The following CD58 variants were observed in gnomAD, a reference collection of about 807,000 sequenced individuals.
CD58 encodes CD58 molecule, also known as lymphocyte function-associated antigen 3.
CD58 carries 14 observed loss-of-function variants against 27.6 expected under a neutral mutation model. The ratio of observed to expected loss-of-function variants is 0.51; its 90% confidence interval spans 0.34 to 0.79. The LOEUF (loss-of-function observed/expected upper bound fraction) is 0.79, where lower values mean the gene tolerates loss of function less well. CD58 is among the 30% of genes least tolerant of loss of function. The pLI, the probability that CD58 is intolerant of heterozygous loss-of-function variation, is 0.02. For synonymous variants in CD58, 117 were observed against 103.8 expected (o/e 1.13, Z -0.77); for missense variants, 268 against 301.7 (o/e 0.89, Z 0.83).
At chr1:116,565,932 T>G (rs11810199) in intron 1 of CD58, among the ~76,000 whole-genome samples, 10,493 of 152,156 alleles carry the variant, frequency 0.069, 386 homozygotes, top group African/African-American at 0.076. Context: ...TTAGCCAGGA[T>G]GGTCTCAATC....
Position 116,533,975 on chromosome 1 carries a change from C to T in CD58, c.628+1990G>A, listed in dbSNP as rs1657706132. 6 of 1,426,128 alleles carry T rather than the reference C, an allele frequency of 4.2e-6. No homozygotes were observed. The South Asian group carries it at 6.9e-5, about 17-fold the overall frequency. 88.3% of individuals were successfully genotyped at this position (1,426,128 alleles called of 1,614,324 possible). A position where few individuals can be genotyped will look rare whatever the true frequency, so the allele number is the denominator to read the frequency against. On this transcript the variant is annotated intron_variant, in intron 3 of 5. Transcript: ENST00000369489. ...GCATTGTCAAGTCGCTCCTGTAAAG[C>T]TGCCAAAACTCCAGGATTCTGCATC... is the stretch of plus-strand genomic sequence containing the variant.
intron 3 of CD58, among the ~76,000 whole-genome samples, chr1:116,530,048 A>C (rs1440774715): frequency 6.6e-6 from 1 of 152,216 alleles, no homozygotes; most frequent in Non-Finnish European, 1.5e-5. Flanking sequence ...GAATAAATCA[A>C]AGAAAACTTT....
rs995237123 is a variant in CD58 at position 116,546,795 on chromosome 1, T to G, written c.71-2191A>C. Among the ~76,000 whole-genome samples the G allele has an allele frequency of 6.6e-6, 1 of 152,112 alleles. No homozygotes were observed. Among genetic ancestry groups the G allele is most frequent in the South Asian group, 2.1e-4 (1 of 4,822 alleles). On this transcript the variant is annotated intron_variant, in intron 1 of 5. Transcript: ENST00000369489. The surrounding 1 kb of genome is among the most constrained non-coding windows in gnomAD (Gnocchi z 4.1). Reference sequence around the variant, plus strand: ...CAGCTCAGAAGAAATCAAAGTACAGTTGACCCTTGAACAACATGGGTTTGA... The same window carrying G: ...CAGCTCAGAAGAAATCAAAGTACAGGTGACCCTTGAACAACATGGGTTTGA...
At chr1:116,567,637 C>CA (rs1443583924) in intron 1 of CD58, among the ~76,000 whole-genome samples, 4 of 151,878 alleles carry the variant, frequency 2.6e-5, no homozygotes, top group Non-Finnish European at 5.9e-5. Context: ...GACCCTGTCT[C>CA]AAAAAATAAA....
Position 116,538,333 on chromosome 1 carries a change from TC to T in CD58, c.365-2106del, listed in dbSNP as rs981173629. Among the ~76,000 whole-genome samples, 44 of 152,298 alleles carry T rather than the reference TC, an allele frequency of 2.9e-4. No homozygotes were observed. Among genetic ancestry groups the T allele is most frequent in the African/African-American group, 1.0e-3 (43 of 41,542 alleles). On this transcript the variant is annotated intron_variant, in intron 2 of 5. Coordinates refer to ENST00000369489, the MANE Select transcript of CD58 (RefSeq NM_001779.3). This position sits in a 1 kb window ranked among gnomAD's most constrained non-coding sequence, Gnocchi z 4.7. ...GCCCTGCTCTCCTAACTTCCTCTGG[TC>T]CCTTTTGCCCACCCCACCCCATAGC...
rs943927600 is a variant in CD58 at position 116,516,022 on chromosome 1, C to T, written c.744-1200G>A. Among the ~76,000 whole-genome samples the T allele has an allele frequency of 6.6e-6, 1 of 152,166 alleles. No individual in the cohort carries two copies. The highest frequency in any genetic ancestry group is 1.5e-5 in the Non-Finnish European group (1 of 68,044). ...CTCCCCCGATCTCCTCCATCTCCAC[C>T]ATATACAGAACCTTTTAACATTTTA... On this transcript the variant is annotated intron_variant, in intron 5 of 5. Coordinates refer to ENST00000369489, the MANE Select transcript of CD58 (RefSeq NM_001779.3). The surrounding 1 kb of genome is among the most constrained non-coding windows in gnomAD (Gnocchi z 6.1).
In CD58 at chr1:116,551,726, T is replaced by TTTTC. The variant is rs927772305; in HGVS notation, c.71-7126_71-7123dup. On this transcript the variant is annotated intron_variant, in intron 1 of 5. Transcript: ENST00000369489. ...TTTTCAGCCCATCGTGGCTTTTTTT[T>TTTTC]TTTCTTTCTTTCTTTTTTTTTTTTT... Among the ~76,000 whole-genome samples, 731 of 151,034 alleles carry TTTTC rather than the reference T, an allele frequency of 4.8e-3. 3 individuals are homozygous for TTTTC. The highest frequency in any genetic ancestry group is 0.017 in the African/African-American group (699 of 40,758).
chr1:116,564,867 C>T (rs548416140), intron 1 of CD58, among the ~76,000 whole-genome samples: 2 of 152,288 alleles, frequency 1.3e-5, no homozygotes, highest in South Asian at 4.1e-4. Context: ...ATCTGCCCAC[C>T]TCAGCCTCTC....
intron 1 of CD58, among the ~76,000 whole-genome samples, chr1:116,547,746 G>A (rs1417842253): frequency 6.6e-6 from 1 of 152,034 alleles, no homozygotes; most frequent in African/African-American, 2.4e-5. Flanking sequence ...TGCGAGTTGT[G>A]CCACTATAAA....
At chr1:116,542,901 C>T (rs1658037598) in intron 2 of CD58, among the ~76,000 whole-genome samples, 1 of 152,132 alleles carries the variant, frequency 6.6e-6, no homozygotes, top group Non-Finnish European at 1.5e-5. Context: ...AAATAAGAAG[C>T]AAAGCCTTCA....
rs1180961250 is a variant in CD58, at chr1:116,546,656, C to CA, written c.71-2053_71-2052insT. Among the ~76,000 whole-genome samples the CA allele has an allele frequency of 1.3e-5, 2 of 152,172 alleles. No individual in the cohort carries two copies. Among genetic ancestry groups the CA allele is most frequent in the Non-Finnish European group, 2.9e-5 (2 of 68,038 alleles). On this transcript the variant is annotated intron_variant, in intron 1 of 5. Transcript: ENST00000369489. The surrounding 1 kb of genome is among the most constrained non-coding windows in gnomAD (Gnocchi z 4.1). Reference sequence around the variant, plus strand: ...CCATACCCTGGCGGCATGAAGATGTCTTTTGTCTTTCCCAGGGAGAGCTGA... The same window carrying CA: ...CCATACCCTGGCGGCATGAAGATGTCATTTTGTCTTTCCCAGGGAGAGCTGA...
At chr1:116,533,792 G>T in intron 3 of CD58, 1 of 737,152 alleles carries the variant, frequency 1.4e-6, no homozygotes, top group Admixed American at 1.8e-5. Context: ...TCAAAGAGAG[G>T]CTGGTATAAT....
At chr1:116,565,023 A>G (rs913625731) in intron 1 of CD58, among the ~76,000 whole-genome samples, 4 of 152,156 alleles carry the variant, frequency 2.6e-5, no homozygotes, top group Non-Finnish European at 5.9e-5. Flanking sequence ...CTCCACCTTC[A>G]AAACACATCC....
chr1:116,563,138 C>G lies in CD58; in HGVS notation c.70+7765G>C, dbSNP rs1238342248. Among the ~76,000 whole-genome samples, 2 of 152,172 alleles carry G rather than the reference C, an allele frequency of 1.3e-5. No homozygotes were observed. Among genetic ancestry groups the G allele is most frequent in the African/African-American group, 2.4e-5 (1 of 41,426 alleles). On this transcript the variant is annotated intron_variant, in intron 1 of 5. Transcript: ENST00000369489. This position sits in a 1 kb window ranked among gnomAD's most constrained non-coding sequence, Gnocchi z 4.1. The stretch of plus-strand genomic sequence containing the variant: ...GTCCAAAACAAAAGGGCTACAGGCC[C>G]CATGCAAGTCCTAAATCCAATAGGG...
chr1:116,531,688 T>C lies in CD58; in HGVS notation c.628+4277A>G, dbSNP rs1461992828. 6.6e-6 allele frequency among the ~76,000 whole-genome samples: 1 copy of C among 152,252 alleles called. No homozygotes were observed. The highest frequency in any genetic ancestry group is 1.5e-5 in the Non-Finnish European group (1 of 68,044). On this transcript the variant is annotated intron_variant, in intron 3 of 5. Coordinates refer to ENST00000369489, the MANE Select transcript of CD58 (RefSeq NM_001779.3). The surrounding 1 kb of genome is among the most constrained non-coding windows in gnomAD (Gnocchi z 4.5). ...GTGACACCTCTGTGGGTTTGATCTTTTCTCTGTCTTCAAAAATCAAATCTA... is the reference window on the plus strand; with the variant it reads ...GTGACACCTCTGTGGGTTTGATCTTCTCTCTGTCTTCAAAAATCAAATCTA...
At chr1:116,533,167 C>G (rs1657673263) in intron 3 of CD58, 1 of 754,214 alleles carries the variant, frequency 1.3e-6, no homozygotes, top group Non-Finnish European at 2.5e-6. Context: ...AATTCAGAAT[C>G]TTTATCCAGT....
rs571547623 is a variant in CD58 at position 116,515,207 on chromosome 1, T to C, written c.744-385A>G. ...TCCTGGGGATGGTTTTCTTCCTACC[T>C]CAAACTTACCTTCCTGTTTAGTCAC... On this transcript the variant is annotated intron_variant, in intron 5 of 5. Coordinates refer to ENST00000369489, the MANE Select transcript of CD58 (RefSeq NM_001779.3). This position sits in a 1 kb window ranked among gnomAD's most constrained non-coding sequence, Gnocchi z 4.6. Among the ~76,000 whole-genome samples the C allele has an allele frequency of 5.8e-4, 89 of 152,334 alleles. No homozygotes were observed. Among genetic ancestry groups the C allele is most frequent in the Non-Finnish European group, 1.1e-3 (72 of 68,032 alleles).
rs1657728668 is a variant in CD58 at position 116,534,603 on chromosome 1, G to C, written c.628+1362C>G. On this transcript the variant is annotated intron_variant, in intron 3 of 5. Coordinates refer to ENST00000369489, the MANE Select transcript of CD58 (RefSeq NM_001779.3). The surrounding 1 kb of genome is among the most constrained non-coding windows in gnomAD (Gnocchi z 5.3). ...GTGGGCGGCAGGGCAGGGGCGCACC[G>C]GGTGCTGGGAGGGGCCGCTCCAGGC... Among the ~76,000 whole-genome samples, 9 of 152,282 alleles carry C rather than the reference G, an allele frequency of 5.9e-5. No homozygotes were observed. In the South Asian group the frequency reaches 1.9e-3, roughly 32 times the overall value.
At chr1:116,567,235 AAGGGAGGGGAGGGGAGGG>A (rs1432321618) in intron 1 of CD58, among the ~76,000 whole-genome samples, 1 of 76,364 alleles carries the variant, frequency 1.3e-5, no homozygotes, top group Admixed American at 1.8e-4. Context: ...AGGGGAGGGA[AAGGGAGGGGAGGGGAGGG>A]AGGGAGGGGA....
Sources: gnomAD v4.1 joint callset for allele counts (sites outside exome capture counted in the v4.1 genomes callset) on GRCh38, gnomAD v4.1.1 for gene constraint, Gnocchi (gnomAD v3.1) non-coding constraint, MANE v1.5 for transcripts, NCBI Gene and HGNC (gene_info 2026-07-23, HGNC 2026-07-21) for gene names.